C1orf87: variants seen among roughly 807,000 people sequenced by gnomAD.
The protein encoded by C1orf87 is uncharacterized protein C1orf87.
Under a neutral mutation model 60.5 loss-of-function variants are expected in C1orf87, and 58 were observed. The ratio of observed to expected loss-of-function variants is 0.96; its 90% confidence interval spans 0.78 to 1.19. The LOEUF is 1.19. Among genes scored for constraint, C1orf87 ranks in the 50% most tolerant of loss-of-function variants. The pLI is 0.00. For missense variants in C1orf87, 673 were observed against 638.6 expected (o/e 1.05, Z -0.58); for synonymous variants, 236 against 227.4 (o/e 1.04, Z -0.34).
chr1:60,029,511 T>G (rs1645221643), intron 7 of C1orf87, among the ~76,000 whole-genome samples: 1 of 152,090 alleles, frequency 6.6e-6, no homozygotes, highest in African/African-American at 2.4e-5. Context: ...GGCTCCTACT[T>G]TCCATTCTAA....
chr1:60,003,254 A>T (rs1645019762), intron 9 of C1orf87, among the ~76,000 whole-genome samples: 1 of 138,550 alleles, frequency 7.2e-6, no homozygotes, highest in African/African-American at 2.7e-5. Flanking sequence ...TCTCACTCAT[A>T]GGTGGGAATT....
chr1:60,022,193 G>C (rs1170544908), intron 8 of C1orf87, among the ~76,000 whole-genome samples: 1 of 148,446 alleles, frequency 6.7e-6, no homozygotes, highest in African/African-American at 2.5e-5. Flanking sequence ...AACACTTTTA[G>C]GTTTTTTAAT....
chr1:59,997,616 A>C lies in C1orf87; in HGVS notation c.1473T>G (p.Ser491Arg), dbSNP rs1408347246. 1 of 1,613,766 alleles carries C rather than the reference A, an allele frequency of 6.2e-7. No individual in the cohort carries two copies. Among genetic ancestry groups the C allele is most frequent in the Admixed American group, 1.7e-5 (1 of 59,998 alleles). Residue 491 changes from serine to arginine, a missense_variant, in exon 11 of 12, where the codon AGT (serine) becomes AGG (arginine). Physicochemically the swap from Ser to Arg is moderately radical, Grantham distance 110. Transcript: ENST00000371201. ...TTACAATTCATACTTCACCTGTGTT[A>C]CTCAGATCACACAGGTAGAGGGCAT... Reference protein sequence around the residue: ...LENALYLCDLSNTGVLEKERA... With the variant: ...LENALYLCDLRNTGVLEKERA...
rs1200337866 is a variant in C1orf87, at chr1:60,064,790, T to TTATATTTAATATA, written c.107+7746_107+7747insTATATTAAATATA. ...ATTATATTTAATATATAAATATATA[T>TTATATTTAATATA]TAAATATATAATTATATTTAATATA... On this transcript the variant is annotated intron_variant, in intron 2 of 11. Transcript: ENST00000371201. Among the ~76,000 whole-genome samples the TTATATTTAATATA allele has an allele frequency of 6.0e-3, 557 of 92,694 alleles. 13 individuals carry two copies. The highest frequency in any genetic ancestry group is 0.024 in the African/African-American group (541 of 22,314). 60.8% of individuals were successfully genotyped at this position (92,694 alleles called of 152,430 possible). A position where few individuals can be genotyped will look rare whatever the true frequency, so the allele number is the denominator to read the frequency against.
At chr1:59,993,137 T>C (rs1244419324) in intron 11 of C1orf87, among the ~76,000 whole-genome samples, 1 of 152,068 alleles carries the variant, frequency 6.6e-6, no homozygotes, top group African/African-American at 2.4e-5. Flanking sequence ...GGGAGGATCA[T>C]TTGAGCCTGG....
intron 9 of C1orf87, among the ~76,000 whole-genome samples, chr1:60,004,152 G>A (rs774521360): frequency 9.9e-5 from 15 of 152,010 alleles, no homozygotes; most frequent in South Asian, 2.1e-4. Flanking sequence ...GAAGCAGTAC[G>A]TGGGGAAAGG....
intron 6 of C1orf87, among the ~76,000 whole-genome samples, chr1:60,034,655 G>A (rs1645262692): frequency 6.6e-6 from 1 of 152,044 alleles, no homozygotes; most frequent in South Asian, 2.1e-4. Context: ...GTTGGGAAGA[G>A]GTGTGCATCA....
chr1:59,993,036 G>C (rs758677952), intron 11 of C1orf87, among the ~76,000 whole-genome samples: 5 of 152,078 alleles, frequency 3.3e-5, no homozygotes, highest in Non-Finnish European at 7.3e-5. Context: ...TCCACACCCT[G>C]CCTCTGGAAA....
At chr1:60,059,290 A>G (rs1039647072) in intron 2 of C1orf87, among the ~76,000 whole-genome samples, 2 of 152,112 alleles carry the variant, frequency 1.3e-5, no homozygotes, top group African/African-American at 4.8e-5. Flanking sequence ...AGAAGGGGGG[A>G]AAAACGCCAT....
intron 6 of C1orf87, among the ~76,000 whole-genome samples, chr1:60,034,958 A>G (rs1482209419): frequency 1.3e-5 from 2 of 151,930 alleles, no homozygotes; most frequent in East Asian, 3.9e-4. Flanking sequence ...ACTCTCACAC[A>G]AGTTTTGGCT....
chr1:60,019,318 G>C (rs1016378070), intron 8 of C1orf87, among the ~76,000 whole-genome samples: 5 of 152,168 alleles, frequency 3.3e-5, no homozygotes, highest in African/African-American at 1.2e-4. Context: ...TTTACCTTTT[G>C]CCAGGATCAT....
chr1:59,999,143 A>G (rs1187291633), intron 10 of C1orf87, among the ~76,000 whole-genome samples: 3 of 152,198 alleles, frequency 2.0e-5, no homozygotes, highest in African/African-American at 7.2e-5. Flanking sequence ...TAAGTGCAAT[A>G]AGAAGCCAAA....
At position 60,029,955 on chromosome 1, in the gene C1orf87, C is replaced by T. The variant is rs112972486; in HGVS notation, c.1029+3521G>A. 2.0e-5 allele frequency among the ~76,000 whole-genome samples: 3 copies of T among 152,242 alleles called. No individual in the cohort carries two copies. The East Asian group carries it at 5.8e-4, about 29-fold the overall frequency. ...TGCCCGGTCCCCCTGTCCCCGCATT[C>T]TTTGCCAAACTTGCCTGTCCTCTAA... is the stretch of plus-strand genomic sequence containing the variant. On this transcript the variant is annotated intron_variant, in intron 7 of 11. Coordinates refer to ENST00000371201, the MANE Select transcript of C1orf87 (RefSeq NM_152377.3).
intron 3 of C1orf87, 84 bp downstream of exon 3, chr1:60,055,120 G>GTGTGTTTTTGTGTGAACC: frequency 8.7e-7 from 1 of 1,148,918 alleles, no homozygotes; most frequent in Non-Finnish European, 1.3e-6. Context: ...CATTTGTACA[G>GTGTGTTTTTGTGTGAACC]TGTGTTTTTG....
chr1:60,054,303 G>A (rs148473075), intron 3 of C1orf87, among the ~76,000 whole-genome samples: 18 of 152,282 alleles, frequency 1.2e-4, no homozygotes, highest in African/African-American at 4.3e-4. Context: ...GAGGTCCATA[G>A]ATAGGCTGTT....
intron 8 of C1orf87, chr1:60,011,039 C>G (rs17119989): frequency 2.6e-5 from 4 of 151,768 alleles, no homozygotes; most frequent in African/African-American, 7.3e-5. Context: ...CAGAAAGGTT[C>G]TTTCTAGCCT....
intron 2 of C1orf87, among the ~76,000 whole-genome samples, chr1:60,070,093 C>T (rs752682193): frequency 6.6e-6 from 1 of 152,154 alleles, no homozygotes; most frequent in African/African-American, 2.4e-5. Flanking sequence ...GACTTCAGAC[C>T]TCTGGCCTCT....
At chr1:60,045,219 A>G (rs561526229) in intron 3 of C1orf87, among the ~76,000 whole-genome samples, 1 of 152,328 alleles carries the variant, frequency 6.6e-6, no homozygotes, top group South Asian at 2.1e-4. Flanking sequence ...GGGGTGTTCT[A>G]GAAAGCTGTT....
chr1:59,991,318 A>G (rs1644922301), intron 11 of C1orf87, among the ~76,000 whole-genome samples: 2 of 152,176 alleles, frequency 1.3e-5, no homozygotes, highest in Non-Finnish European at 2.9e-5. Flanking sequence ...GATTAGGTCC[A>G]TAATATTCCC....
Sources: allele counts gnomAD v4.1 joint callset (sites outside exome capture counted in the v4.1 genomes callset), GRCh38; gene constraint gnomAD v4.1.1; transcripts MANE v1.5; gene names NCBI Gene and HGNC (gene_info 2026-07-23, HGNC 2026-07-21).